ALCAM: variants seen among roughly 807,000 people sequenced by gnomAD.
ALCAM encodes activated leukocyte cell adhesion molecule.
ALCAM carries 30 observed loss-of-function variants against 70.9 expected under a neutral mutation model. That is an observed-to-expected ratio of 0.42 (90% CI 0.32 to 0.57). ALCAM has a LOEUF of 0.57. Ranked by LOEUF, ALCAM falls within the 20% of genes least tolerant of loss-of-function variation. ALCAM has a pLI of 0.11. For missense variants in ALCAM, 591 were observed against 695.1 expected, an observed-to-expected ratio of 0.85 and a Z score of 1.68; for synonymous variants, 249 against 242.5, an observed-to-expected ratio of 1.03 and a Z score of -0.25.
intron 7 of ALCAM, among the ~76,000 whole-genome samples, chr3:105,540,479 T>C (rs969932188): frequency 6.6e-6 from 1 of 152,036 alleles, no homozygotes; most frequent in African/African-American, 2.4e-5. Context: ...AACACACCTC[T>C]AACCCTCAGA....
chr3:105,513,523 T>G (rs562735688), intron 1 of ALCAM, among the ~76,000 whole-genome samples: 2 of 152,100 alleles, frequency 1.3e-5, no homozygotes, highest in Non-Finnish European at 2.9e-5. Flanking sequence ...ACCCTGTAGC[T>G]GTATTCCCTA....
At chr3:105,472,202 G>GT (rs1483891521) in intron 1 of ALCAM, among the ~76,000 whole-genome samples, 1 of 150,934 alleles carries the variant, frequency 6.6e-6, no homozygotes, top group African/African-American at 2.4e-5. Context: ...TTGTTTGTTT[G>GT]TTTTTTTAGG....
intron 1 of ALCAM, among the ~76,000 whole-genome samples, chr3:105,409,441 TTAAG>T (rs1936331580): frequency 6.6e-6 from 1 of 152,076 alleles, no homozygotes; most frequent in Admixed American, 6.6e-5. Context: ...TCATTCGAAG[TTAAG>T]TAACTCAAGA....
intron 1 of ALCAM, among the ~76,000 whole-genome samples, chr3:105,499,267 T>C (rs970628905): frequency 1.3e-4 from 20 of 152,316 alleles, no homozygotes; most frequent in African/African-American, 4.1e-4. Context: ...TGTTTTATAT[T>C]CCTTAAGAGC....
chr3:105,563,667 C>CTTTTTTTTTT lies in ALCAM; in HGVS notation c.1665-8163_1665-8154dup, dbSNP rs749625480. The stretch of plus-strand genomic sequence containing the variant: ...GACCTGTATGAAATTCCAAGCATTT[C>CTTTTTTTTTT]TTTTTTTTTTTTTTTTTTTTTTTTT... On this transcript the variant is annotated intron_variant, in intron 14 of 15. Transcript: ENST00000306107. 3.7e-3 allele frequency among the ~76,000 whole-genome samples: 194 copies of CTTTTTTTTTT among 52,046 alleles called. 32 individuals are homozygous for CTTTTTTTTTT. The highest frequency in any genetic ancestry group is 0.011 in the African/African-American group (109 of 9,896). 34.1% of individuals were successfully genotyped at this position (52,046 alleles called of 152,430 possible).
intron 1 of ALCAM, among the ~76,000 whole-genome samples, chr3:105,506,373 T>C (rs1384412859): frequency 1.3e-5 from 2 of 152,222 alleles, no homozygotes; most frequent in Non-Finnish European, 2.9e-5. Context: ...AAAATTACCA[T>C]TGGATTTTCA....
In ALCAM at chr3:105,367,289, TG is replaced by T; in HGVS notation, c.-117del. 1.1e-6 allele frequency: 1 copy of T among 946,358 alleles called. No homozygotes were observed. Among genetic ancestry groups the T allele is most frequent in the East Asian group, 2.5e-5 (1 of 39,858 alleles). The allele number at this position is 946,358 out of a possible 1,614,324, so 58.6% of individuals were successfully genotyped here. On this transcript the variant is annotated 5_prime_UTR_variant, in exon 1 of 16. Coordinates refer to ENST00000306107, the MANE Select transcript of ALCAM (RefSeq NM_001627.4). ...GCCACAGCCCAGGGGACGGTGTGTCTGGGAGAAGACGCTGCCCCTGCGTCGG... is the reference window on the plus strand; with the variant it reads ...GCCACAGCCCAGGGGACGGTGTGTCTGGAGAAGACGCTGCCCCTGCGTCGG...
At chr3:105,524,195 T>A in intron 2 of ALCAM, 94 bp from the exon 3 acceptor site, 6 of 1,015,086 alleles carry the variant, frequency 5.9e-6, no homozygotes, top group African/African-American at 4.9e-5. Flanking sequence ...ATATAGATAT[T>A]GGTAGAATAT....
At position 105,545,510 on chromosome 3, in the gene ALCAM, T is replaced by A. The variant is rs556274101; in HGVS notation, c.1104+175T>A. ...AATAACAATAAAATTTTAGAGGTGC[T>A]CAACACGGTGACATCCATAATTGGT... On this transcript the variant is annotated intron_variant, in intron 9 of 15. Coordinates refer to ENST00000306107, the MANE Select transcript of ALCAM (RefSeq NM_001627.4). Among the ~76,000 whole-genome samples the A allele has an allele frequency of 2.6e-5, 4 of 151,436 alleles. No individual in the cohort carries two copies. In the South Asian group the frequency reaches 8.3e-4, roughly 31 times the overall value.
At chr3:105,559,034 T>TTAG (rs1278772839) in intron 14 of ALCAM, among the ~76,000 whole-genome samples, 3 of 151,978 alleles carry the variant, frequency 2.0e-5, no homozygotes, top group Non-Finnish European at 4.4e-5. Flanking sequence ...TAGCACTTCT[T>TTAG]CCCACGGTAA....
At chr3:105,539,024 TA>T (rs568751577) in intron 6 of ALCAM, among the ~76,000 whole-genome samples, 3 of 151,850 alleles carry the variant, frequency 2.0e-5, no homozygotes, top group African/African-American at 7.3e-5. Flanking sequence ...TGTTAGCTAA[TA>T]AAAAAAATAG....
At chr3:105,523,256 G>A (rs1939601982) in intron 2 of ALCAM, among the ~76,000 whole-genome samples, 1 of 151,878 alleles carries the variant, frequency 6.6e-6, no homozygotes, top group Non-Finnish European at 1.5e-5. Flanking sequence ...GAATAAGGTA[G>A]TGGTCTAACA....
intron 1 of ALCAM, among the ~76,000 whole-genome samples, chr3:105,485,699 T>C (rs1353028444): frequency 6.6e-6 from 1 of 152,072 alleles, no homozygotes; most frequent in Non-Finnish European, 1.5e-5. Context: ...GATTAAGCAA[T>C]ATGATATTGC....
chr3:105,480,297 C>T (rs1938235514), intron 1 of ALCAM, among the ~76,000 whole-genome samples: 1 of 151,826 alleles, frequency 6.6e-6, no homozygotes, highest in Non-Finnish European at 1.5e-5. Context: ...GTGCAGTAAG[C>T]CGAGATCACG....
intron 3 of ALCAM, among the ~76,000 whole-genome samples, chr3:105,527,164 CTG>C (rs1267197150): frequency 6.6e-6 from 1 of 152,120 alleles, no homozygotes; most frequent in Non-Finnish European, 1.5e-5. Context: ...CAAAATCAAA[CTG>C]TGTTTTTATT....
chr3:105,488,740 GAGGAAGGAGGGA>G (rs1456522796), intron 1 of ALCAM, among the ~76,000 whole-genome samples: 1 of 148,712 alleles, frequency 6.7e-6, no homozygotes, highest in East Asian at 2.1e-4. Context: ...GGAGGGAGGG[GAGGAAGGAGGGA>G]AGGAAGGAGG....
chr3:105,382,661 G>T (rs1026469140), intron 1 of ALCAM, among the ~76,000 whole-genome samples: 8 of 151,968 alleles, frequency 5.3e-5, no homozygotes, highest in African/African-American at 1.9e-4. Flanking sequence ...ATCTCATTGT[G>T]GTTTTGATTT....
rs1038185056 is a variant in ALCAM, at chr3:105,524,209, C to G, written c.175-80C>G. On this transcript the variant is annotated intron_variant, in intron 2 of 15. Coordinates refer to ENST00000306107, the MANE Select transcript of ALCAM (RefSeq NM_001627.4). ...AATATAGATATTGGTAGAATATGGCCAAGGAAATGTTATTTTGAATGTAAT... is the reference window on the plus strand; with the variant it reads ...AATATAGATATTGGTAGAATATGGCGAAGGAAATGTTATTTTGAATGTAAT... The G allele has an allele frequency of 7.7e-5, 93 of 1,208,538 alleles. 1 individual carries two copies. In the Admixed American group the frequency reaches 7.7e-4, roughly 10 times the overall value. The allele number at this position is 1,208,538 out of a possible 1,614,324, so 74.9% of individuals were successfully genotyped here.
Position 105,509,290 on chromosome 3 carries a change from C to T in ALCAM, c.74-10777C>T, listed in dbSNP as rs140654823. Among the ~76,000 whole-genome samples, 1,245 of 151,992 alleles carry T rather than the reference C, an allele frequency of 8.2e-3. 9 individuals are homozygous for T. Among genetic ancestry groups the T allele is most frequent in the Middle Eastern group, 0.01 (3 of 294 alleles). On this transcript the variant is annotated intron_variant, in intron 1 of 15. Coordinates refer to ENST00000306107, the MANE Select transcript of ALCAM (RefSeq NM_001627.4). Reference sequence around the variant, plus strand: ...TTAACTTTTTGAGGAACCTTCACACCGTTTTTCATAATTGCTGTACCAATT... The same window carrying T: ...TTAACTTTTTGAGGAACCTTCACACTGTTTTTCATAATTGCTGTACCAATT...
Sources: gnomAD v4.1 joint callset for allele counts (sites outside exome capture counted in the v4.1 genomes callset) on GRCh38, gnomAD v4.1.1 for gene constraint, MANE v1.5 for transcripts, NCBI Gene and HGNC (gene_info 2026-07-23, HGNC 2026-07-21) for gene names.